Variants in ORC5 observed in about 807,000 individuals in gnomAD.
The protein encoded by ORC5 is protein phosphatase 1, regulatory subunit 117.
A neutral mutation model predicts 58.8 loss-of-function variants in ORC5; 39 were observed. The ratio of observed to expected loss-of-function variants is 0.66; its 90% CI spans 0.51 to 0.87. The LOEUF (loss-of-function observed/expected upper bound fraction) is 0.87, where lower values mean the gene tolerates loss of function less well. Ranked by LOEUF, ORC5 falls within the 40% of genes least tolerant of loss-of-function variation. The pLI is 0.00. For synonymous variants in ORC5, 218 were observed against 177.6 expected, an observed-to-expected ratio of 1.23 and a Z score of -1.81; for missense variants, 493 against 506.3, an observed-to-expected ratio of 0.97 and a Z score of 0.25.
At chr7:104,152,563 T>C (rs942503961) in intron 12 of ORC5, among the ~76,000 whole-genome samples, 1 of 152,308 alleles carries the variant, frequency 6.6e-6, no homozygotes, top group African/African-American at 2.4e-5. Context: ...TTAAGTTCTA[T>C]CTAATGCACA....
chr7:104,183,910 A>T lies in ORC5; in HGVS notation c.824+33T>A, dbSNP rs776597828. The T allele has an allele frequency of 7.4e-6, 10 of 1,356,294 alleles. No homozygotes were observed. The African/African-American group carries it at 1.5e-4, about 20-fold the overall frequency. The allele number at this position is 1,356,294 out of a possible 1,614,324, so 84.0% of individuals were successfully genotyped here. ...GAGTATATATCCCAAATAAAGATAT[A>T]AAAACTAGTATGCATACTAAATAGA... On this transcript the variant is annotated intron_variant, in intron 8 of 13. Coordinates refer to ENST00000297431, the MANE Select transcript of ORC5 (RefSeq NM_002553.4).
intron 8 of ORC5, among the ~76,000 whole-genome samples, chr7:104,169,634 T>A (rs1351194169): frequency 6.6e-6 from 1 of 152,186 alleles, no homozygotes; most frequent in African/African-American, 2.4e-5. Flanking sequence ...TTAGAACAAT[T>A]AAATATCCAA....
At chr7:104,180,912 T>C (rs1799419058) in intron 8 of ORC5, among the ~76,000 whole-genome samples, 1 of 152,220 alleles carries the variant, frequency 6.6e-6, no homozygotes, top group Admixed American at 6.5e-5. Flanking sequence ...TCCATGGCTA[T>C]TCTAAGTCTC....
At chr7:104,156,086 G>C (rs1009069804) in intron 12 of ORC5, among the ~76,000 whole-genome samples, 4 of 151,518 alleles carry the variant, frequency 2.6e-5, no homozygotes, top group Non-Finnish European at 5.9e-5. Flanking sequence ...GAAAGGAAAG[G>C]AGAAAAGAAT....
chr7:104,168,189 T>C (rs1056602022), intron 9 of ORC5: 4 of 756,448 alleles, frequency 5.3e-6, no homozygotes, highest in South Asian at 5.5e-5. Context: ...CATAATTAGA[T>C]TGCTTTAATA....
At chr7:104,206,362 T>C (rs1176972388) in intron 1 of ORC5, among the ~76,000 whole-genome samples, 1 of 152,198 alleles carries the variant, frequency 6.6e-6, no homozygotes, top group Non-Finnish European at 1.5e-5. Flanking sequence ...AAAATATTGT[T>C]AAACATAATT....
At chr7:104,190,793 C>A (rs913194559) in intron 5 of ORC5, among the ~76,000 whole-genome samples, 1 of 151,848 alleles carries the variant, frequency 6.6e-6, no homozygotes, top group East Asian at 1.9e-4. Context: ...AAAAACTCTT[C>A]CAGGATATTC....
At chr7:104,194,995 C>T (rs1362442674) in intron 5 of ORC5, 148 bp downstream of exon 5, 6 of 462,546 alleles carry the variant, frequency 1.3e-5, no homozygotes, top group African/African-American at 3.5e-5. Flanking sequence ...ATATCAAATT[C>T]CCATTTGAAT....
intron 1 of ORC5, among the ~76,000 whole-genome samples, chr7:104,204,632 A>G (rs1444461669): frequency 2.0e-5 from 3 of 152,164 alleles, no homozygotes; most frequent in African/African-American, 7.2e-5. Flanking sequence ...CAACTTCACT[A>G]TACATTTTAA....
At chr7:104,202,100 A>T (rs1174064911) in intron 2 of ORC5, among the ~76,000 whole-genome samples, 1 of 133,842 alleles carries the variant, frequency 7.5e-6, no homozygotes, top group African/African-American at 2.8e-5. Context: ...AAAACAAAAC[A>T]AAACAAAAAA....
chr7:104,191,119 GAA>G (rs749674288), intron 5 of ORC5, among the ~76,000 whole-genome samples: 2 of 78,858 alleles, frequency 2.5e-5, no homozygotes, highest in Non-Finnish European at 2.8e-5. Context: ...CAAAACTGCT[GAA>G]AAAAAAAAAA....
chr7:104,150,289 T>A (rs1798823559), intron 12 of ORC5, among the ~76,000 whole-genome samples: 1 of 152,184 alleles, frequency 6.6e-6, no homozygotes, highest in South Asian at 2.1e-4. Flanking sequence ...TGGAGGAGCT[T>A]CACAATCTGA....
intron 9 of ORC5, 104 bp downstream of exon 9, chr7:104,168,369 A>G: frequency 6.7e-7 from 1 of 1,500,708 alleles, no homozygotes; most frequent in African/African-American, 1.4e-5. Context: ...ATTCTCTTTT[A>G]TAACACTATT....
At chr7:104,165,941 C>T (rs1799099757) in intron 10 of ORC5, among the ~76,000 whole-genome samples, 1 of 152,042 alleles carries the variant, frequency 6.6e-6, no homozygotes, top group Admixed American at 6.6e-5. Flanking sequence ...GGGCACACAC[C>T]TGTAATCCCA....
intron 12 of ORC5, among the ~76,000 whole-genome samples, chr7:104,158,493 A>C (rs1239557422): frequency 6.6e-6 from 1 of 151,880 alleles, no homozygotes; most frequent in Non-Finnish European, 1.5e-5. Context: ...AATTAAACTA[A>C]AGAGCTTCTG....
intron 4 of ORC5, among the ~76,000 whole-genome samples, chr7:104,197,025 C>T (rs904563731): frequency 1.3e-5 from 2 of 152,128 alleles, no homozygotes; most frequent in African/African-American, 2.4e-5. Flanking sequence ...CTAGTAAGTC[C>T]GCCCCTGTCC....
Position 104,204,148 on chromosome 7 carries a change from A to G in ORC5, c.159T>C (p.Thr53=). ...KTYVTQTLLK[T]LELPHVFVNC... Reference sequence around the variant, plus strand: ...TTAATATTTTTATTCTTACCTCTAAAGTTTTCAACAACGTTTGTGTTACAT... The same window carrying G: ...TTAATATTTTTATTCTTACCTCTAAGGTTTTCAACAACGTTTGTGTTACAT... Residue 53 remains threonine (T), a synonymous_variant, in exon 2 of 14, where the codon ACT becomes ACC. Coordinates refer to ENST00000297431, the MANE Select transcript of ORC5 (RefSeq NM_002553.4). The G allele has an allele frequency of 1.3e-6, 2 of 1,537,642 alleles. No homozygotes were observed. The highest frequency in any genetic ancestry group is 2.4e-5 in the South Asian group (2 of 82,350).
At position 104,160,901 on chromosome 7, in the gene ORC5, C is replaced by T. The variant is rs534250490; in HGVS notation, c.1149+171G>A. ...AAACATATGTAAATTTAGTGATACC[C>T]CCAAAGATTCTATATACGTAATTTT... On this transcript the variant is annotated intron_variant, in intron 12 of 13. Transcript: ENST00000297431. Among the ~76,000 whole-genome samples the T allele has an allele frequency of 3.4e-3, 517 of 152,116 alleles. 1 individual carries two copies. Among genetic ancestry groups the T allele is most frequent in the Middle Eastern group, 0.01 (3 of 294 alleles).
At chr7:104,200,325 T>C (rs568320928) in intron 3 of ORC5, among the ~76,000 whole-genome samples, 3 of 152,354 alleles carry the variant, frequency 2.0e-5, no homozygotes, top group Non-Finnish European at 4.4e-5. Flanking sequence ...TTTTCTCCCG[T>C]CATACTTTAT....
Sources: gnomAD v4.1 joint callset for allele counts (sites outside exome capture counted in the v4.1 genomes callset) on GRCh38, gnomAD v4.1.1 for gene constraint, MANE v1.5 for transcripts, NCBI Gene and HGNC (gene_info 2026-07-23, HGNC 2026-07-21) for gene names.